PCDH15: variants seen among roughly 807,000 people sequenced by gnomAD.
PCDH15 encodes protocadherin-15.
A neutral mutation model predicts 178.5 loss-of-function variants in PCDH15; 129 were observed. The ratio of observed to expected loss-of-function variants is 0.72; its 90% CI spans 0.63 to 0.84. PCDH15 has a LOEUF of 0.84. Among genes scored for constraint, PCDH15 ranks in the 40% least tolerant of loss-of-function variants. The probability of loss-of-function intolerance (pLI) is 0.00; values close to 1 mark genes in which losing one functional copy is unlikely to be tolerated. For missense variants in PCDH15, 2,230 were observed against 2,099.9 expected, an observed-to-expected ratio of 1.06 and a Z score of -1.21; for synonymous variants, 800 against 732.0, an observed-to-expected ratio of 1.09 and a Z score of -1.50.
intron 21 of PCDH15, among the ~76,000 whole-genome samples, chr10:53,981,115 T>C (rs1171893891): frequency 6.6e-6 from 1 of 152,068 alleles, no homozygotes. Flanking sequence ...ATTTTTAAAA[T>C]AAAAATGTGA....
intron 13 of PCDH15, among the ~76,000 whole-genome samples, chr10:54,159,409 T>C (rs1257519967): frequency 6.6e-6 from 1 of 152,130 alleles, no homozygotes; most frequent in African/African-American, 2.4e-5. Context: ...CTGAGACCCA[T>C]ACAGAAGAAG....
chr10:54,010,503 A>G (rs559173546), intron 20 of PCDH15, among the ~76,000 whole-genome samples: 2 of 152,146 alleles, frequency 1.3e-5, no homozygotes, highest in African/African-American at 2.4e-5. Flanking sequence ...CCAGCACAGC[A>G]CGGCAGCATT....
chr10:55,242,642 G>T (rs1433675889), intron 1 of PCDH15, among the ~76,000 whole-genome samples: 1 of 151,986 alleles, frequency 6.6e-6, no homozygotes, highest in African/African-American at 2.4e-5. Context: ...AGGAGTTCAA[G>T]ACCAGCTAGG....
At chr10:53,927,060 CA>C (rs2084625583) in intron 25 of PCDH15, among the ~76,000 whole-genome samples, 3 of 151,834 alleles carry the variant, frequency 2.0e-5, no homozygotes, top group Admixed American at 2.0e-4. Context: ...AGATGTGCCT[CA>C]AAAATAAAGG....
chr10:53,809,556 G>C (rs1940363357), intron 37 of PCDH15: 4 of 1,604,568 alleles, frequency 2.5e-6, no homozygotes, highest in Non-Finnish European at 3.4e-6. Flanking sequence ...CCTGAAAATT[G>C]TGAAAATGCA....
chr10:54,978,082 A>T (rs1008959425), intron 2 of PCDH15, among the ~76,000 whole-genome samples: 2 of 152,198 alleles, frequency 1.3e-5, no homozygotes, highest in Admixed American at 6.6e-5. Flanking sequence ...CACATCAATC[A>T]TACATATGAA....
chr10:54,085,383 T>A (rs2094499313), intron 16 of PCDH15, among the ~76,000 whole-genome samples: 1 of 152,154 alleles, frequency 6.6e-6, no homozygotes, highest in Admixed American at 6.6e-5. Flanking sequence ...ACCCCATGCT[T>A]CAGTGATAAC....
At position 53,828,474 on chromosome 10, in the gene PCDH15, G is replaced by T. The variant is rs572733810; in HGVS notation, c.4211+91C>A. The T allele has an allele frequency of 7.9e-5, 85 of 1,074,876 alleles. No homozygotes were observed. In the African/African-American group the frequency reaches 1.3e-3, roughly 16 times the overall value. The allele number at this position is 1,074,876 out of a possible 1,614,324, so 66.6% of individuals were successfully genotyped here. ...AACGCAAAACAAGGGAATAAGATGT[G>T]GTTCTGAGCAGGCTGACTTGATTGA... On this transcript the variant is annotated intron_variant, in intron 31 of 37. Transcript: ENST00000644397.
At chr10:53,912,722 T>G (rs1174817008) in intron 25 of PCDH15, among the ~76,000 whole-genome samples, 5 of 152,050 alleles carry the variant, frequency 3.3e-5, no homozygotes, top group Admixed American at 3.3e-4. Context: ...TACCTAGGAA[T>G]CCAACTTACA....
At chr10:54,037,956 T>C (rs2093456098) in intron 18 of PCDH15, among the ~76,000 whole-genome samples, 1 of 151,974 alleles carries the variant, frequency 6.6e-6, no homozygotes, top group Admixed American at 6.6e-5. Flanking sequence ...GAAATCTGTC[T>C]GTGCAGAGTT....
chr10:55,046,054 C>T lies in PCDH15; in HGVS notation c.-80+120522G>A, dbSNP rs1329891371. On this transcript the variant is annotated intron_variant, in intron 2 of 5. Coordinates refer to the PCDH15 transcript ENST00000458638. ...TGAAATTCTTGTTGACAAATTCTGCCAGCCTCTGTTTACTCCCTCTCTATG... is the reference window on the plus strand; with the variant it reads ...TGAAATTCTTGTTGACAAATTCTGCTAGCCTCTGTTTACTCCCTCTCTATG... Among the ~76,000 whole-genome samples the T allele has an allele frequency of 4.6e-5, 7 of 152,172 alleles. No homozygotes were observed. In the East Asian group the frequency reaches 1.4e-3, roughly 29 times the overall value.
At chr10:54,171,001 G>C (rs1450180786) in intron 13 of PCDH15, among the ~76,000 whole-genome samples, 1 of 152,060 alleles carries the variant, frequency 6.6e-6, no homozygotes, top group African/African-American at 2.4e-5. Flanking sequence ...AACATGCCCT[G>C]AGTCAGATAA....
intron 3 of PCDH15, among the ~76,000 whole-genome samples, chr10:54,477,937 C>T (rs1258246239): frequency 6.6e-6 from 1 of 152,142 alleles, no homozygotes; most frequent in Non-Finnish European, 1.5e-5. Flanking sequence ...GCAGAGACCA[C>T]CTACTGTTAC....
chr10:54,650,188 C>A (rs1165050242), intron 2 of PCDH15, among the ~76,000 whole-genome samples: 1 of 152,006 alleles, frequency 6.6e-6, no homozygotes, highest in Non-Finnish European at 1.5e-5. Flanking sequence ...TTAGTAAAAT[C>A]TAGAACAATA....
intron 2 of PCDH15, among the ~76,000 whole-genome samples, chr10:54,918,655 G>T (rs1837407397): frequency 6.6e-6 from 1 of 151,994 alleles, no homozygotes; most frequent in Non-Finnish European, 1.5e-5. Flanking sequence ...GCTTCTAATT[G>T]CATGTAGCTA....
intron 1 of PCDH15, among the ~76,000 whole-genome samples, chr10:55,223,518 C>A (rs1160856246): frequency 6.6e-6 from 1 of 152,092 alleles, no homozygotes; most frequent in Non-Finnish European, 1.5e-5. Context: ...GTCTCTTTTC[C>A]TGCCTCCTGG....
chr10:53,894,256 G>A (rs1589290721), intron 26 of PCDH15, among the ~76,000 whole-genome samples: 1 of 152,260 alleles, frequency 6.6e-6, no homozygotes, highest in Admixed American at 6.5e-5. Context: ...TTCAGTTACA[G>A]GGTCATAGTC....
intron 3 of PCDH15, among the ~76,000 whole-genome samples, chr10:54,888,986 A>T (rs1175593083): frequency 3.3e-5 from 5 of 151,744 alleles, no homozygotes; most frequent in Admixed American, 3.3e-4. Flanking sequence ...CATGAGGTGC[A>T]TTTGACACAC....
At chr10:54,782,818 C>G (rs763215177) in intron 1 of PCDH15, among the ~76,000 whole-genome samples, 1 of 152,030 alleles carries the variant, frequency 6.6e-6, no homozygotes, top group Non-Finnish European at 1.5e-5. Context: ...TCACCACAGT[C>G]TCTACAAACA....
Sources: allele counts gnomAD v4.1 joint callset (sites outside exome capture counted in the v4.1 genomes callset), GRCh38; gene constraint gnomAD v4.1.1; transcripts MANE v1.5; gene names NCBI Gene and HGNC (gene_info 2026-07-23, HGNC 2026-07-21).